Variants in SH3KBP1 observed in about 807,000 individuals in gnomAD.
The protein encoded by SH3KBP1 is SH3 domain containing kinase binding protein 1.
A neutral mutation model predicts 50.1 loss-of-function variants in SH3KBP1; 8 were observed. That is an observed-to-expected ratio of 0.16 (90% CI 0.09 to 0.29). The LOEUF (loss-of-function observed/expected upper bound fraction) is 0.29. Ranked by LOEUF, SH3KBP1 falls within the 10% of genes least tolerant of loss-of-function variation. SH3KBP1 has a pLI of 1.00. For missense variants in SH3KBP1, 377 were observed against 535.2 expected (o/e 0.70, Z 2.92); for synonymous variants, 227 against 218.6 (o/e 1.04, Z -0.34).
chrX:19,816,986 C>T (rs1192583280), intron 2 of SH3KBP1, among the ~76,000 whole-genome samples: 1 of 111,320 alleles, frequency 9.0e-6, no homozygotes, highest in Non-Finnish European at 1.9e-5. Context: ...CTTTTTTTGT[C>T]TATGGATGTC....
rs1359248791 is a variant in SH3KBP1 at position 19,683,835 on chromosome X, C to A, written c.714G>T (p.Leu238=). 1.9e-5 allele frequency: 23 copies of A among 1,208,510 alleles called. No homozygotes were observed. The highest frequency in any genetic ancestry group is 2.6e-5 in the Non-Finnish European group (23 of 892,399). ...CTGTCGAACATACCTTTTCTACCGG[C>A]AGAAAGTCATTTTCTACTTCAATTG... ...PRSIEVENDF[L]PVEKTIGKKL... Residue 238 remains leucine (L), a synonymous_variant, in exon 6 of 18, where the codon CTG becomes CTT. Coordinates refer to ENST00000397821, the MANE Select transcript of SH3KBP1 (RefSeq NM_031892.3).
chrX:19,543,130 TG>T (rs1368586521), intron 15 of SH3KBP1, among the ~76,000 whole-genome samples: 2 of 111,156 alleles, frequency 1.8e-5, no homozygotes, highest in Admixed American at 9.5e-5. Flanking sequence ...TTCCCAGTGC[TG>T]GGGGCAGGAG....
intron 8 of SH3KBP1, among the ~76,000 whole-genome samples, chrX:19,623,641 G>A (rs968039281): frequency 5.3e-5 from 6 of 112,329 alleles, no homozygotes; most frequent in Non-Finnish European, 9.4e-5. Flanking sequence ...CCAAGATCAC[G>A]CCATTGCACT....
intron 3 of SH3KBP1, among the ~76,000 whole-genome samples, chrX:19,742,276 T>C (rs2064791885): frequency 9.1e-6 from 1 of 109,771 alleles, no homozygotes; most frequent in African/African-American, 3.3e-5. Context: ...AATTGTTTTA[T>C]TTTTTTTAGA....
chrX:19,645,292 C>T (rs1232154813), intron 7 of SH3KBP1, 108 bp downstream of exon 7: 8 of 563,439 alleles, frequency 1.4e-5, no homozygotes, highest in Non-Finnish European at 2.1e-5. Flanking sequence ...TTTTCTGATG[C>T]GTTTGCAAAA....
chrX:19,811,085 A>T (rs186837195), intron 2 of SH3KBP1, among the ~76,000 whole-genome samples: 2 of 112,335 alleles, frequency 1.8e-5, no homozygotes, highest in Admixed American at 1.9e-4. Context: ...GTATTTTTTT[A>T]ATAAGCAGAT....
chrX:19,736,127 T>A (rs186576706), intron 3 of SH3KBP1, among the ~76,000 whole-genome samples: 31 of 111,938 alleles, frequency 2.8e-4, no homozygotes, highest in Admixed American at 2.6e-3. Context: ...TTATTTTCCA[T>A]AAATCTCTAA....
chrX:19,592,236 C>G (rs1207297672), intron 10 of SH3KBP1, 89 bp from the exon 11 acceptor site: 2 of 769,602 alleles, frequency 2.6e-6, no homozygotes, highest in South Asian at 2.4e-5. Context: ...TCAGGTAGAG[C>G]AAAGTCAGTA....
At chrX:19,670,484 G>C in intron 6 of SH3KBP1, 1 of 398,473 alleles carries the variant, frequency 2.5e-6, no homozygotes, top group Non-Finnish European at 3.2e-6. Flanking sequence ...TCTGTGACAT[G>C]GTGTAACAGT....
At chrX:19,586,079 T>C (rs1226374371) in intron 12 of SH3KBP1, among the ~76,000 whole-genome samples, 6 of 111,983 alleles carry the variant, frequency 5.4e-5, no homozygotes, top group Admixed American at 9.4e-5. Flanking sequence ...TCTCCCTTCA[T>C]GGCCTGGACT....
intron 13 of SH3KBP1, among the ~76,000 whole-genome samples, chrX:19,560,825 C>G (rs954518783): frequency 9.1e-6 from 1 of 110,439 alleles, no homozygotes; most frequent in Non-Finnish European, 1.9e-5. Flanking sequence ...GCCTGTAATC[C>G]CAGCACTTTG....
At chrX:19,655,217 T>C (rs755120995) in intron 6 of SH3KBP1, among the ~76,000 whole-genome samples, 60 of 111,448 alleles carry the variant, frequency 5.4e-4, no homozygotes, top group African/African-American at 1.9e-3. Flanking sequence ...TTGGATTCAA[T>C]TACCTTAATT....
At chrX:19,566,049 G>A (rs1186298699) in intron 13 of SH3KBP1, among the ~76,000 whole-genome samples, 1 of 109,519 alleles carries the variant, frequency 9.1e-6, no homozygotes, top group Non-Finnish European at 1.9e-5. Flanking sequence ...GCTGAGGTGG[G>A]AGGATTGCAT....
chrX:19,662,611 G>GA (rs1379703463), intron 6 of SH3KBP1, among the ~76,000 whole-genome samples: 2 of 111,467 alleles, frequency 1.8e-5, no homozygotes, highest in East Asian at 5.6e-4. Flanking sequence ...TCAAATGGGA[G>GA]AAAAAACAAG....
At chrX:19,794,645 G>A (rs981548621) in intron 2 of SH3KBP1, among the ~76,000 whole-genome samples, 12 of 111,260 alleles carry the variant, frequency 1.1e-4, no homozygotes, top group African/African-American at 3.9e-4. Context: ...AGAGCTTGCA[G>A]TGAGCCGAGA....
In SH3KBP1 at chrX:19,711,788, AG is replaced by A. The variant is rs777531253; in HGVS notation, c.287-4805del. 1.5e-3 allele frequency among the ~76,000 whole-genome samples: 168 copies of A among 111,725 alleles called. 1 individual carries two copies. The highest frequency in any genetic ancestry group is 5.3e-3 in the African/African-American group (162 of 30,745). The stretch of plus-strand genomic sequence containing the variant: ...GTAGAAACCACTGATAAAAAGCAAA[AG>A]AGGAAAATCAAAAGAAACCCCTAAT... On this transcript the variant is annotated intron_variant, in intron 3 of 17. Transcript: ENST00000397821.
At chrX:19,772,411 G>A (rs1460396689) in intron 2 of SH3KBP1, among the ~76,000 whole-genome samples, 1 of 111,104 alleles carries the variant, frequency 9.0e-6, no homozygotes, top group Non-Finnish European at 1.9e-5. Flanking sequence ...AATGGAAGGA[G>A]GGAGGTCAAA....
intron 6 of SH3KBP1, among the ~76,000 whole-genome samples, chrX:19,666,950 G>A (rs754235567): frequency 5.3e-5 from 6 of 112,389 alleles, no homozygotes; most frequent in Non-Finnish European, 1.1e-4. Flanking sequence ...AAACCCAAAT[G>A]TCCATCAACA....
chrX:19,830,334 C>G (rs1400194715), intron 2 of SH3KBP1, among the ~76,000 whole-genome samples: 1 of 103,702 alleles, frequency 9.6e-6, no homozygotes, highest in Non-Finnish European at 1.9e-5. Context: ...TACGCACTTA[C>G]GTAGAAACAA....
Sources: gnomAD v4.1 joint callset for allele counts (sites outside exome capture counted in the v4.1 genomes callset) on GRCh38, gnomAD v4.1.1 for gene constraint, MANE v1.5 for transcripts, NCBI Gene and HGNC (gene_info 2026-07-23, HGNC 2026-07-21) for gene names.